Variants in RMP24 observed in about 807,000 individuals in gnomAD.
RMP24 encodes ribonuclease MRP protein subunit p24.
the RMP24 span, chr18:35,977,655 T>C: frequency 6.5e-7 from 1 of 1,547,808 alleles, no homozygotes; most frequent in Non-Finnish European, 8.7e-7. Flanking sequence ...TTCTTCTAAT[T>C]TCCTGTGTTT....
chr18:35,973,356 A>T, the RMP24 span: 1 of 188,818 alleles, frequency 5.3e-6, no homozygotes, highest in Non-Finnish European at 1.1e-5. Context: ...GTATATACTC[A>T]GCGCAGACCT....
chr18:35,974,939 G>C, the RMP24 span: 8 of 1,614,032 alleles, frequency 5.0e-6, no homozygotes, highest in African/African-American at 8.0e-5. Flanking sequence ...ACTGTTTCCA[G>C]CTGTTGGTTC....
At chr18:35,973,183 C>T in the RMP24 span, 1 of 568,520 alleles carries the variant, frequency 1.8e-6, no homozygotes, top group Non-Finnish European at 3.1e-6. Context: ...TATTACTTCT[C>T]GATTTGCTTT....
the RMP24 span, chr18:35,975,152 A>C: frequency 1.4e-6 from 2 of 1,450,672 alleles, no homozygotes; most frequent in Non-Finnish European, 1.9e-6. Flanking sequence ...TCTTTCACTT[A>C]AAATCAGTTT....
the RMP24 span, chr18:35,973,154 C>T: frequency 1.7e-6 from 1 of 597,192 alleles, no homozygotes; most frequent in Non-Finnish European, 3.0e-6. Flanking sequence ...TAGGTCATTA[C>T]GTAGTTCACC....
the RMP24 span, chr18:35,972,857 T>G: frequency 6.2e-7 from 1 of 1,614,152 alleles, no homozygotes; most frequent in Non-Finnish European, 8.5e-7. Context: ...GTTCCTTTGC[T>G]CCTCACAAGT....
the RMP24 span, chr18:35,978,743 A>C: frequency 7.2e-6 from 8 of 1,115,250 alleles, no homozygotes; most frequent in Non-Finnish European, 1.0e-5. Flanking sequence ...TACACCGAGG[A>C]TAGCCAGTGC....
the RMP24 span, chr18:35,972,900 G>C: frequency 6.2e-7 from 1 of 1,614,140 alleles, no homozygotes; most frequent in Non-Finnish European, 8.5e-7. Context: ...CCTACACTTC[G>C]TCGCACGGTA....
the RMP24 span, among the ~76,000 whole-genome samples, chr18:35,976,865 A>G: frequency 6.6e-6 from 1 of 152,232 alleles, no homozygotes; most frequent in Non-Finnish European, 1.5e-5. Flanking sequence ...AGAGTTCATT[A>G]TCTTTGAAAA....
chr18:35,973,069 A>C, the RMP24 span: 8 of 896,452 alleles, frequency 8.9e-6, no homozygotes, highest in Non-Finnish European at 1.1e-5. Context: ...CAAATTCTTT[A>C]ATGTGCCTTG....
At chr18:35,976,118 T>C in the RMP24 span, among the ~76,000 whole-genome samples, 3 of 151,268 alleles carry the variant, frequency 2.0e-5, no homozygotes, top group Non-Finnish European at 4.4e-5. Flanking sequence ...AGAAAGGTGC[T>C]AGAGGTATTT....
the RMP24 span, chr18:35,979,103 A>G: frequency 1.3e-5 from 16 of 1,248,050 alleles, no homozygotes; most frequent in Non-Finnish European, 1.6e-5. Flanking sequence ...TCTGAATGCA[A>G]ACTTTTCTTG....
At chr18:35,974,605 C>G in the RMP24 span, among the ~76,000 whole-genome samples, 2 of 152,236 alleles carry the variant, frequency 1.3e-5, no homozygotes, top group East Asian at 3.9e-4. Flanking sequence ...AACTTAGTAG[C>G]AAGTAATGAG....
At chr18:35,973,350 A>G in the RMP24 span, 22 of 222,606 alleles carry the variant, frequency 9.9e-5, 1 homozygote, top group East Asian at 2.2e-3. Context: ...ACAAATGTAT[A>G]TACTCAGCGC....
the RMP24 span, chr18:35,977,307 A>G: frequency 1.6e-5 from 17 of 1,043,338 alleles, no homozygotes; most frequent in East Asian, 2.6e-5. Context: ...CCCCTATAGT[A>G]TCTGGTGTAG....
the RMP24 span, among the ~76,000 whole-genome samples, chr18:35,976,061 G>T: frequency 1.7e-3 from 252 of 151,140 alleles, 5 homozygotes; most frequent in East Asian, 0.044. Context: ...GCAGTGTTTT[G>T]CCCTCATGAA....
the RMP24 span, chr18:35,973,012 AAACAAC>A: frequency 1.4e-6 from 2 of 1,444,010 alleles, no homozygotes; most frequent in Non-Finnish European, 1.9e-6. Flanking sequence ...CCCTCCATAA[AAACAAC>A]AACAACAAAG....
the RMP24 span, chr18:35,973,023 A>G: frequency 0.073 from 97,782 of 1,341,554 alleles, 3,964 homozygotes; most frequent in Middle Eastern, 0.12. Flanking sequence ...AACAACAACA[A>G]CAAAGCCCGC....
chr18:35,977,607 TA>T, the RMP24 span: 5 of 1,604,634 alleles, frequency 3.1e-6, no homozygotes, highest in Non-Finnish European at 3.4e-6. Context: ...TCAGGTATCT[TA>T]ATCCATGAAG....
Sources: allele counts gnomAD v4.1 joint callset (sites outside exome capture counted in the v4.1 genomes callset), GRCh38; gene constraint gnomAD v4.1.1; transcripts MANE v1.5; gene names NCBI Gene and HGNC (gene_info 2026-07-23, HGNC 2026-07-21).